SHANK2: variants seen among roughly 807,000 people sequenced by gnomAD.
The protein encoded by SHANK2 is SH3 and multiple ankyrin repeat domains protein 2.
Under a neutral mutation model 133.7 loss-of-function variants are expected in SHANK2, and 43 were observed. The ratio of observed to expected loss-of-function variants is 0.32; its 90% CI spans 0.25 to 0.41. SHANK2 has a LOEUF of 0.41. Among genes scored for constraint, SHANK2 ranks in the 10% least tolerant of loss-of-function variants. The probability of loss-of-function intolerance (pLI) is 1.00; values close to 1 mark genes in which losing one functional copy is unlikely to be tolerated. For synonymous variants in SHANK2, 1,017 were observed against 952.8 expected (o/e 1.07, Z -1.24); for missense variants, 1,994 against 2,235.8 (o/e 0.89, Z 2.18).
chr11:71,066,541 C>A (rs912000266), intron 9 of SHANK2, among the ~76,000 whole-genome samples: 9 of 152,250 alleles, frequency 5.9e-5, no homozygotes, highest in African/African-American at 1.7e-4. Context: ...CAGGCACAGA[C>A]AACGTTGCAA....
intron 6 of SHANK2, among the ~76,000 whole-genome samples, chr11:71,099,443 A>C (rs1182799737): frequency 6.6e-6 from 1 of 152,224 alleles, no homozygotes; most frequent in Non-Finnish European, 1.5e-5. Context: ...CTATCTTTGC[A>C]CTTATTCTGC....
At chr11:71,172,725 C>T (rs370729146) in intron 2 of SHANK2, among the ~76,000 whole-genome samples, 2 of 152,224 alleles carry the variant, frequency 1.3e-5, no homozygotes, top group East Asian at 3.9e-4. Context: ...GGCACATGTA[C>T]CCCCTAAAGG....
intron 14 of SHANK2, among the ~76,000 whole-genome samples, chr11:70,704,506 T>C (rs1398761602): frequency 6.6e-6 from 1 of 152,214 alleles, no homozygotes; most frequent in African/African-American, 2.4e-5. Context: ...TGCTGGACTC[T>C]CCTGGGCCCT....
intron 17 of SHANK2, among the ~76,000 whole-genome samples, chr11:70,520,153 C>G (rs2059313605): frequency 6.6e-6 from 1 of 152,072 alleles, no homozygotes; most frequent in South Asian, 2.1e-4. Context: ...CACTGTTTCC[C>G]CTATTATTAG....
chr11:70,829,596 T>C (rs906041730), intron 11 of SHANK2, among the ~76,000 whole-genome samples: 6 of 150,336 alleles, frequency 4.0e-5, no homozygotes, highest in Admixed American at 2.0e-4. Context: ...GGCCTGCTTC[T>C]CAGCCTGTGC....
In SHANK2 at chr11:71,085,614, TTATATTATATATTATAATA is replaced by T. The variant is rs1452201701; in HGVS notation, c.912+6789_912+6807del. Among the ~76,000 whole-genome samples, 170 of 78,542 alleles carry T rather than the reference TTATATTATATATTATAATA, an allele frequency of 2.2e-3. 1 individual carries two copies. Among genetic ancestry groups the T allele is most frequent in the African/African-American group, 8.5e-3 (161 of 19,022 alleles). 51.5% of individuals were successfully genotyped at this position (78,542 alleles called of 152,430 possible). A position where few individuals can be genotyped will look rare whatever the true frequency, so the allele number is the denominator to read the frequency against. ...ATATAATATATATATTAAATATATATTATATTATATATTATAATATATATAATATATTATGTTATATATT... is the reference window on the plus strand; with the variant it reads ...ATATAATATATATATTAAATATATATTATATAATATATTATGTTATATATT... On this transcript the variant is annotated intron_variant, in intron 8 of 25. Transcript: ENST00000601538.
At chr11:70,811,244 C>G (rs1555053145) in intron 12 of SHANK2, among the ~76,000 whole-genome samples, 2 of 152,188 alleles carry the variant, frequency 1.3e-5, no homozygotes, top group Admixed American at 6.5e-5. Context: ...GCAGGAGTCA[C>G]AGGGTCTGTT....
At chr11:70,593,680 T>G (rs1420824672) in intron 17 of SHANK2, among the ~76,000 whole-genome samples, 1 of 152,216 alleles carries the variant, frequency 6.6e-6, no homozygotes, top group Non-Finnish European at 1.5e-5. Context: ...GCATTCAGTG[T>G]CAGGAGGCCT....
intron 6 of SHANK2, among the ~76,000 whole-genome samples, chr11:71,105,483 C>G (rs1411564200): frequency 2.7e-5 from 4 of 150,606 alleles, no homozygotes; most frequent in Non-Finnish European, 5.9e-5. Flanking sequence ...ATCCCAGCTA[C>G]CAGGAGGCTG....
chr11:71,165,224 G>C (rs1253823346), intron 2 of SHANK2, among the ~76,000 whole-genome samples: 9 of 151,804 alleles, frequency 5.9e-5, no homozygotes, highest in African/African-American at 2.2e-4. Flanking sequence ...GTAGAGACGG[G>C]GGTCTCACCA....
intron 3 of SHANK2, among the ~76,000 whole-genome samples, chr11:71,131,357 G>A (rs1291001258): frequency 3.9e-5 from 6 of 152,172 alleles, no homozygotes; most frequent in South Asian, 2.1e-4. Flanking sequence ...CAGCCTAGTC[G>A]GGGGGTGCTG....
chr11:70,879,990 C>T (rs1228680301), intron 11 of SHANK2, among the ~76,000 whole-genome samples: 1 of 152,216 alleles, frequency 6.6e-6, no homozygotes, highest in East Asian at 1.9e-4. Flanking sequence ...CCTGCTGTTG[C>T]AACTGTGCTG....
intron 3 of SHANK2, among the ~76,000 whole-genome samples, chr11:71,133,346 A>ATGGTTGGCTGGC (rs1172807204): frequency 8.9e-6 from 1 of 111,890 alleles, no homozygotes; most frequent in Admixed American, 9.1e-5. Flanking sequence ...GGGAGGATGC[A>ATGGTTGGCTGGC]TGGCTGGCTG....
chr11:70,820,267 G>C (rs1366851522), intron 12 of SHANK2, 97 bp downstream of exon 12: 2 of 580,610 alleles, frequency 3.4e-6, no homozygotes, highest in Admixed American at 6.3e-5. Context: ...GGAATAAAAT[G>C]GGCTTCCTGC....
chr11:71,114,385 G>A (rs1565459114), intron 4 of SHANK2, among the ~76,000 whole-genome samples: 1 of 152,088 alleles, frequency 6.6e-6, no homozygotes, highest in Non-Finnish European at 1.5e-5. Flanking sequence ...GCAGGTGGCG[G>A]GTGAGCTCAT....
intron 14 of SHANK2, among the ~76,000 whole-genome samples, chr11:70,749,777 G>C (rs1203235803): frequency 2.0e-5 from 3 of 151,736 alleles, no homozygotes; most frequent in Non-Finnish European, 4.4e-5. Flanking sequence ...CAGGGAACTT[G>C]ACAAATCAAT....
intron 10 of SHANK2, among the ~76,000 whole-genome samples, chr11:70,931,435 G>T (rs1950502760): frequency 6.6e-6 from 1 of 152,222 alleles, no homozygotes; most frequent in South Asian, 2.1e-4. Flanking sequence ...AGAGATGTCT[G>T]TCTACCCCTC....
rs1266182715 is a variant in SHANK2, at chr11:70,472,917, C to A, written c.5502G>T (p.Gly1834=). The change falls in exon 26 of 26, where the codon GGG becomes GGT. Residue 1834 remains glycine (G), a synonymous_variant. Coordinates refer to ENST00000601538, the MANE Select transcript of SHANK2 (RefSeq NM_012309.5). The surrounding 1 kb of genome is among the most constrained non-coding windows in gnomAD (Gnocchi z 4.4). ...DLIDLGVTRV[G]HRMNIERALK... Reference sequence around the variant, plus strand: ...AAGCCCTTTCTATGTTCATTCTGTGCCCGACTCGAGTTACCCCAAGATCGA... The same window carrying A: ...AAGCCCTTTCTATGTTCATTCTGTGACCGACTCGAGTTACCCCAAGATCGA... 1 of 1,614,134 alleles carries A rather than the reference C, an allele frequency of 6.2e-7. No homozygotes were observed. The highest frequency in any genetic ancestry group is 8.5e-7 in the Non-Finnish European group (1 of 1,180,060).
At chr11:70,544,826 C>T (rs1047035140) in intron 17 of SHANK2, among the ~76,000 whole-genome samples, 18 of 152,250 alleles carry the variant, frequency 1.2e-4, no homozygotes, top group African/African-American at 3.6e-4. Context: ...CAAATGTCAC[C>T]GGGGCTGTCC....
Sources: gnomAD v4.1 joint callset for allele counts (sites outside exome capture counted in the v4.1 genomes callset) on GRCh38, gnomAD v4.1.1 for gene constraint, Gnocchi (gnomAD v3.1) non-coding constraint, MANE v1.5 for transcripts, NCBI Gene and HGNC (gene_info 2026-07-23, HGNC 2026-07-21) for gene names.